SCFD2: variants seen among roughly 807,000 people sequenced by gnomAD.
SCFD2 encodes sec1 family domain containing 2, also known as sec1 family domain-containing protein 2.
In SCFD2, 54 loss-of-function variants were observed where a neutral mutation model predicts 58.9. The ratio of observed to expected loss-of-function variants is 0.92; its 90% CI spans 0.74 to 1.15. The LOEUF (loss-of-function observed/expected upper bound fraction) is 1.15. SCFD2 is among the 50% of genes most tolerant of loss of function. The probability of loss-of-function intolerance (pLI) is 0.00; values close to 1 mark genes in which losing one functional copy is unlikely to be tolerated. For synonymous variants in SCFD2, 321 were observed against 335.9 expected (o/e 0.96, Z 0.49); for missense variants, 805 against 836.6 (o/e 0.96, Z 0.47).
rs561373222 is a variant in SCFD2 at position 53,207,925 on chromosome 4, G to T, written c.1312-62343C>A. ...ACCTCTTTTCTTTAAAGATTACTCAGTCTCAGGTATTTCTTTTTTCTTTCT... is the reference window on the plus strand; with the variant it reads ...ACCTCTTTTCTTTAAAGATTACTCATTCTCAGGTATTTCTTTTTTCTTTCT... On this transcript the variant is annotated intron_variant, in intron 4 of 8. Coordinates refer to ENST00000401642, the MANE Select transcript of SCFD2 (RefSeq NM_152540.4). Among the ~76,000 whole-genome samples, 15 of 150,498 alleles carry T rather than the reference G, an allele frequency of 1.0e-4. No homozygotes were observed. In the South Asian group the frequency reaches 3.2e-3, roughly 32 times the overall value.
At chr4:53,028,299 T>C (rs1446655143) in intron 5 of SCFD2, among the ~76,000 whole-genome samples, 1 of 151,910 alleles carries the variant, frequency 6.6e-6, no homozygotes. Context: ...ATGAGAGAAA[T>C]GCTTAAAGTT....
intron 2 of SCFD2, among the ~76,000 whole-genome samples, chr4:53,315,534 T>G (rs554232874): frequency 2.2e-4 from 34 of 152,304 alleles, no homozygotes; most frequent in African/African-American, 7.9e-4. Flanking sequence ...AAGAACAGCA[T>G]AGCTCAGCAG....
At chr4:53,135,677 G>A (rs1725914833) in intron 5 of SCFD2, among the ~76,000 whole-genome samples, 1 of 152,098 alleles carries the variant, frequency 6.6e-6, no homozygotes, top group Non-Finnish European at 1.5e-5. Flanking sequence ...AGGAGGCAGA[G>A]GTTGCAGTGA....
intron 3 of SCFD2, among the ~76,000 whole-genome samples, chr4:53,289,986 A>T (rs565186071): frequency 1.3e-5 from 2 of 152,306 alleles, no homozygotes; most frequent in South Asian, 4.1e-4. Context: ...TATAAAACAA[A>T]TATTAACCGT....
chr4:53,208,241 G>A (rs1728498962), intron 4 of SCFD2, among the ~76,000 whole-genome samples: 1 of 151,722 alleles, frequency 6.6e-6, no homozygotes, highest in Non-Finnish European at 1.5e-5. Context: ...CCAAAGTCCT[G>A]GGCCAGACAC....
intron 3 of SCFD2, among the ~76,000 whole-genome samples, chr4:53,305,460 C>A (rs553298220): frequency 6.6e-6 from 1 of 152,260 alleles, no homozygotes; most frequent in South Asian, 2.1e-4. Context: ...GGATCTATTA[C>A]ATAATAAGCA....
chr4:52,880,616 CAAAA>C (rs33961681), intron 8 of SCFD2, among the ~76,000 whole-genome samples: 5 of 119,118 alleles, frequency 4.2e-5, no homozygotes, highest in Admixed American at 8.5e-5. Flanking sequence ...GACCCTGTCT[CAAAA>C]AAAAAAAAAA....
intron 5 of SCFD2, among the ~76,000 whole-genome samples, chr4:53,049,132 A>G (rs533199798): frequency 6.6e-6 from 1 of 152,336 alleles, no homozygotes; most frequent in African/African-American, 2.4e-5. Flanking sequence ...GAGACTTCAC[A>G]CGGTTAATTC....
intron 5 of SCFD2, among the ~76,000 whole-genome samples, chr4:53,107,195 C>G (rs1313419673): frequency 4.6e-5 from 7 of 152,134 alleles, no homozygotes; most frequent in African/African-American, 1.7e-4. Flanking sequence ...TTGTCACCAC[C>G]AGGCCTGCCT....
At chr4:53,061,353 C>T (rs374985458) in intron 5 of SCFD2, among the ~76,000 whole-genome samples, 6 of 152,012 alleles carry the variant, frequency 3.9e-5, no homozygotes, top group Non-Finnish European at 8.8e-5. Flanking sequence ...GTATCGAAGC[C>T]CAGAGAAGTT....
chr4:52,889,325 G>A (rs540174184), intron 7 of SCFD2, among the ~76,000 whole-genome samples: 39 of 152,298 alleles, frequency 2.6e-4, no homozygotes, highest in African/African-American at 8.9e-4. Flanking sequence ...TCCTTAGAAA[G>A]CAAACACAAT....
intron 5 of SCFD2, among the ~76,000 whole-genome samples, chr4:53,020,241 C>A (rs1465788028): frequency 6.6e-6 from 1 of 152,200 alleles, no homozygotes; most frequent in Admixed American, 6.5e-5. Context: ...TGTTAATTCA[C>A]ATTAATTAGA....
At chr4:53,190,507 C>T (rs542476622) in intron 4 of SCFD2, among the ~76,000 whole-genome samples, 1 of 152,158 alleles carries the variant, frequency 6.6e-6, no homozygotes, top group Non-Finnish European at 1.5e-5. Context: ...CTTAGTGAGG[C>T]CTTCTTGACC....
intron 1 of SCFD2, among the ~76,000 whole-genome samples, chr4:53,363,815 A>G (rs1734619567): frequency 3.1e-5 from 4 of 130,990 alleles, no homozygotes. Context: ...CGACAGAGAG[A>G]GACTCCGTCT....
chr4:53,248,002 T>C (rs1730167945), intron 4 of SCFD2, among the ~76,000 whole-genome samples: 1 of 151,920 alleles, frequency 6.6e-6, no homozygotes, highest in Non-Finnish European at 1.5e-5. Context: ...TGCATTTCCA[T>C]CTGAGGTACT....
At chr4:52,887,206 G>C (rs1396290162) in intron 7 of SCFD2, among the ~76,000 whole-genome samples, 1 of 152,142 alleles carries the variant, frequency 6.6e-6, no homozygotes, top group African/African-American at 2.4e-5. Context: ...AAAGAGAACA[G>C]GGCCCATCCT....
At chr4:53,155,730 C>A (rs914678374) in intron 4 of SCFD2, among the ~76,000 whole-genome samples, 1 of 152,130 alleles carries the variant, frequency 6.6e-6, no homozygotes, top group Non-Finnish European at 1.5e-5. Context: ...TTACCAAGAA[C>A]TAGTCAGTTC....
intron 3 of SCFD2, among the ~76,000 whole-genome samples, chr4:53,312,577 T>C (rs1334901229): frequency 1.3e-5 from 2 of 152,230 alleles, no homozygotes; most frequent in African/African-American, 4.8e-5. Flanking sequence ...AGCCCTCAAA[T>C]ATAGTTACCT....
chr4:52,956,511 T>C (rs1467927466), intron 5 of SCFD2: 1 of 308,272 alleles, frequency 3.2e-6, no homozygotes, highest in Non-Finnish European at 6.4e-6. Flanking sequence ...TTTCTGTCTC[T>C]TGTCTCTTCT....
Sources: allele counts gnomAD v4.1 joint callset (sites outside exome capture counted in the v4.1 genomes callset), GRCh38; gene constraint gnomAD v4.1.1; transcripts MANE v1.5; gene names NCBI Gene and HGNC (gene_info 2026-07-23, HGNC 2026-07-21).